Variants in EPYC observed in about 807,000 individuals in gnomAD.
The protein encoded by EPYC is dermatan sulfate proteoglycan 3.
Under a neutral mutation model 30.1 loss-of-function variants are expected in EPYC, and 28 were observed. That is an observed-to-expected ratio of 0.93 (90% CI 0.69 to 1.28). The LOEUF (loss-of-function observed/expected upper bound fraction) is 1.28. Ranked by LOEUF, EPYC falls within the 50% of genes most tolerant of loss-of-function variation. The pLI is 0.00. For missense variants in EPYC, 382 were observed against 383.5 expected (o/e 1.00, Z 0.03); for synonymous variants, 144 against 141.4 (o/e 1.02, Z -0.13).
intron 2 of EPYC, among the ~76,000 whole-genome samples, chr12:90,987,354 T>C (rs989108144): frequency 6.7e-6 from 1 of 149,622 alleles, no homozygotes; most frequent in African/African-American, 2.4e-5. Flanking sequence ...AAGCTTGTGA[T>C]GGGCCCTGTC....
intron 2 of EPYC, among the ~76,000 whole-genome samples, chr12:90,998,252 T>A (rs1400812313): frequency 7.2e-5 from 11 of 152,100 alleles, no homozygotes; most frequent in African/African-American, 2.4e-4. Context: ...TCATATAGCC[T>A]ACAACCCATT....
intron 5 of EPYC, 65 bp from the exon 6 acceptor site, chr12:90,970,204 A>G (rs1877005960): frequency 3.5e-6 from 4 of 1,158,116 alleles, no homozygotes; most frequent in Non-Finnish European, 5.2e-6. Context: ...GAAATAAAAA[A>G]CACAGCTGTA....
At chr12:90,971,274 C>T (rs1322516136) in intron 5 of EPYC, among the ~76,000 whole-genome samples, 1 of 152,124 alleles carries the variant, frequency 6.6e-6, no homozygotes, top group Non-Finnish European at 1.5e-5. Context: ...GTTTTTGGTA[C>T]TTGATCACCC....
intron 2 of EPYC, among the ~76,000 whole-genome samples, chr12:90,995,311 A>G (rs1877672775): frequency 6.6e-6 from 1 of 152,102 alleles, no homozygotes; most frequent in Admixed American, 6.6e-5. Flanking sequence ...ACACTTTGAC[A>G]GCTAACAGAG....
At chr12:90,964,372 A>G in intron 6 of EPYC, 46 bp from the exon 7 acceptor site, 1 of 1,437,442 alleles carries the variant, frequency 7.0e-7, no homozygotes, top group Non-Finnish European at 9.7e-7. Context: ...ACACATTCTT[A>G]GTATTGATTG....
chr12:90,967,392 G>A (rs1287820799), intron 6 of EPYC, among the ~76,000 whole-genome samples: 3 of 151,622 alleles, frequency 2.0e-5, no homozygotes, highest in Admixed American at 6.6e-5. Context: ...TCATATCCAC[G>A]TATTTGTGAA....
At chr12:90,965,339 T>G (rs1876867962) in intron 6 of EPYC, among the ~76,000 whole-genome samples, 1 of 152,212 alleles carries the variant, frequency 6.6e-6, no homozygotes, top group Non-Finnish European at 1.5e-5. Context: ...AAGTTTTGTA[T>G]GTACATACGC....
intron 2 of EPYC, among the ~76,000 whole-genome samples, chr12:90,982,585 T>C (rs1333713024): frequency 1.3e-5 from 2 of 152,076 alleles, no homozygotes; most frequent in African/African-American, 4.8e-5. Flanking sequence ...GGACTATTCT[T>C]TTCTCTCCTC....
intron 2 of EPYC, among the ~76,000 whole-genome samples, chr12:90,987,031 A>G (rs1877463919): frequency 6.6e-6 from 1 of 152,182 alleles, no homozygotes; most frequent in Non-Finnish European, 1.5e-5. Flanking sequence ...GATACATTAA[A>G]TGATTGTTTT....
At position 90,997,866 on chromosome 12, in the gene EPYC, C is replaced by T. The variant is rs182897582; in HGVS notation, c.165+4535G>A. ...AGGCTTTTCTTTTCCTTTTGGGAGTCGTAGAGTACTTGGCATTCAGTTCAA... is the reference window on the plus strand; with the variant it reads ...AGGCTTTTCTTTTCCTTTTGGGAGTTGTAGAGTACTTGGCATTCAGTTCAA... On this transcript the variant is annotated intron_variant, in intron 2 of 6. Coordinates refer to ENST00000261172, the MANE Select transcript of EPYC (RefSeq NM_004950.5). 2.5e-3 allele frequency among the ~76,000 whole-genome samples: 385 copies of T among 151,980 alleles called. 2 individuals are homozygous for T. The highest frequency in any genetic ancestry group is 8.9e-3 in the African/African-American group (368 of 41,468).
chr12:90,964,692 GA>G (rs201908071), intron 6 of EPYC, among the ~76,000 whole-genome samples: 3 of 151,652 alleles, frequency 2.0e-5, no homozygotes, highest in African/African-American at 4.8e-5. Flanking sequence ...AAAAGGCATG[GA>G]AAAAAAACAA....
chr12:90,987,419 A>G (rs115175216), intron 2 of EPYC, among the ~76,000 whole-genome samples: 4,294 of 152,208 alleles, frequency 0.028, 218 homozygotes, highest in African/African-American at 0.098. Flanking sequence ...CCTGACCAAA[A>G]TTGGCCAGAA....
rs779697733 is a variant in EPYC, at chr12:91,002,388, G to C, written c.165+13C>G. 7 of 1,608,176 alleles carry C rather than the reference G, an allele frequency of 4.4e-6. 1 individual carries two copies. The South Asian group carries it at 6.7e-5, about 15-fold the overall frequency. ...ATGCTTTTTAAAGTTTCAAGAGTAG[G>C]AGGATCGATTACCTCAACTTTATCA... On this transcript the variant is annotated intron_variant, in intron 2 of 6. Coordinates refer to ENST00000261172, the MANE Select transcript of EPYC (RefSeq NM_004950.5).
intron 2 of EPYC, 101 bp from the exon 3 acceptor site, chr12:90,978,363 G>GT: frequency 8.7e-7 from 1 of 1,155,072 alleles, no homozygotes; most frequent in Non-Finnish European, 1.2e-6. Context: ...TGCCACAAGA[G>GT]GACACTCATG....
intron 2 of EPYC, among the ~76,000 whole-genome samples, chr12:90,991,655 A>C (rs1369497761): frequency 6.6e-6 from 1 of 152,204 alleles, no homozygotes; most frequent in African/African-American, 2.4e-5. Flanking sequence ...GAAGCATATT[A>C]ATTTTTTAAA....
intron 2 of EPYC, among the ~76,000 whole-genome samples, chr12:91,001,019 A>G (rs867731860): frequency 1.3e-5 from 2 of 152,080 alleles, no homozygotes; most frequent in African/African-American, 4.8e-5. Context: ...ATTAATAAAG[A>G]CTTAGAGTCA....
In EPYC at chr12:90,964,109, A is replaced by T; in HGVS notation, c.*47T>A. 6.5e-7 allele frequency: 1 copy of T among 1,532,620 alleles called. No individual in the cohort carries two copies. The highest frequency in any genetic ancestry group is 8.9e-7 in the Non-Finnish European group (1 of 1,118,196). 94.9% of individuals were successfully genotyped at this position (1,532,620 alleles called of 1,614,324 possible). Reference sequence around the variant, plus strand: ...TTTTGTTTTGGAAGAGAGCAGTAAGAATGGTTTATTTATAGTAGCCATCGT... The same window carrying T: ...TTTTGTTTTGGAAGAGAGCAGTAAGTATGGTTTATTTATAGTAGCCATCGT... On this transcript the variant is annotated 3_prime_UTR_variant, in exon 7 of 7. Coordinates refer to ENST00000261172, the MANE Select transcript of EPYC (RefSeq NM_004950.5).
At chr12:90,964,564 C>T (rs1876847890) in intron 6 of EPYC, among the ~76,000 whole-genome samples, 1 of 151,920 alleles carries the variant, frequency 6.6e-6, no homozygotes, top group Non-Finnish European at 1.5e-5. Flanking sequence ...GGTGAGAAAA[C>T]TACTGAAAGA....
intron 3 of EPYC, 104 bp downstream of exon 3, chr12:90,977,984 T>G: frequency 9.3e-7 from 1 of 1,079,576 alleles, no homozygotes; most frequent in Non-Finnish European, 1.3e-6. Flanking sequence ...TTCCAAAACT[T>G]TTTTCTTGGG....
Sources: allele counts gnomAD v4.1 joint callset (sites outside exome capture counted in the v4.1 genomes callset), GRCh38; gene constraint gnomAD v4.1.1; transcripts MANE v1.5; gene names NCBI Gene and HGNC (gene_info 2026-07-23, HGNC 2026-07-21).